The following PIK3AP1 variants were observed in gnomAD, a reference collection of about 807,000 sequenced individuals.
PIK3AP1 encodes phosphoinositide-3-kinase adaptor protein 1, also known as phosphoinositide 3-kinase adapter protein 1.
PIK3AP1 carries 21 observed loss-of-function variants against 88.1 expected under a neutral mutation model. The observed-to-expected ratio is 0.24, with a 90% CI of 0.17 to 0.34. PIK3AP1 has a LOEUF of 0.34. PIK3AP1 is among the 10% of genes least tolerant of loss of function. The pLI is 1.00. For synonymous variants in PIK3AP1, 398 were observed against 400.0 expected (o/e 1.00, Z 0.06); for missense variants, 828 against 1,035.7 (o/e 0.80, Z 2.75).
chr10:96,708,197 C>T (rs555731761), intron 2 of PIK3AP1, among the ~76,000 whole-genome samples: 3 of 152,188 alleles, frequency 2.0e-5, no homozygotes, highest in East Asian at 3.9e-4. Flanking sequence ...TCTTTGCTGG[C>T]GTCAGGTATA....
At chr10:96,608,240 A>G (rs968684768) in intron 14 of PIK3AP1, among the ~76,000 whole-genome samples, 2 of 152,176 alleles carry the variant, frequency 1.3e-5, no homozygotes, top group Admixed American at 1.3e-4. Flanking sequence ...TCTCACCCTG[A>G]GAGGGTTCTA....
intron 2 of PIK3AP1, among the ~76,000 whole-genome samples, chr10:96,668,423 A>C (rs866909510): frequency 6.6e-5 from 10 of 152,340 alleles, no homozygotes; most frequent in Admixed American, 3.3e-4. Flanking sequence ...TTTTTAGTTT[A>C]AATAAGGTAA....
chr10:96,647,959 G>A (rs1345679407), intron 7 of PIK3AP1, among the ~76,000 whole-genome samples: 1 of 152,154 alleles, frequency 6.6e-6, no homozygotes, highest in African/African-American at 2.4e-5. Context: ...CCTCAAAGAA[G>A]GACCCAGAAG....
At chr10:96,626,967 A>G (rs552171635) in intron 9 of PIK3AP1, 62 bp from the exon 10 acceptor site, 2 of 1,487,362 alleles carry the variant, frequency 1.3e-6, no homozygotes, top group South Asian at 2.3e-5. Context: ...ATCATCAGTC[A>G]TAAAGCAGAG....
At chr10:96,611,083 T>A (rs1480238790) in intron 13 of PIK3AP1, among the ~76,000 whole-genome samples, 1 of 151,938 alleles carries the variant, frequency 6.6e-6, no homozygotes, top group Non-Finnish European at 1.5e-5. Context: ...TCTGGCAGGG[T>A]GAATGGATAA....
At chr10:96,659,747 A>G (rs1296680540) in intron 2 of PIK3AP1, among the ~76,000 whole-genome samples, 1 of 151,934 alleles carries the variant, frequency 6.6e-6, no homozygotes, top group Non-Finnish European at 1.5e-5. Context: ...AATATAAAGT[A>G]TTGAAATTGT....
intron 6 of PIK3AP1, among the ~76,000 whole-genome samples, chr10:96,649,482 C>T (rs570342036): frequency 1.5e-4 from 23 of 152,326 alleles, no homozygotes; most frequent in African/African-American, 5.5e-4. Context: ...CCACACAGTA[C>T]AATAGGAATC....
Position 96,643,064 on chromosome 10 carries a change from A to T in PIK3AP1, c.1375+2409T>A, listed in dbSNP as rs1843412556. Among the ~76,000 whole-genome samples the T allele has an allele frequency of 2.0e-5, 3 of 152,164 alleles. No individual in the cohort carries two copies. In the South Asian group the frequency reaches 6.2e-4, roughly 31 times the overall value. The stretch of plus-strand genomic sequence containing the variant: ...GGGTCCTACCCACTTCCCCGCCTGT[A>T]TCTCCAACACCCAGAAGACATCAGT... On this transcript the variant is annotated intron_variant, in intron 8 of 16. Transcript: ENST00000339364.
chr10:96,630,720 A>G (rs1843233286), intron 8 of PIK3AP1, among the ~76,000 whole-genome samples: 1 of 152,014 alleles, frequency 6.6e-6, no homozygotes. Flanking sequence ...GTGCAGGCCT[A>G]TAGCCCCATC....
chr10:96,712,564 T>C (rs1844452547), intron 1 of PIK3AP1, among the ~76,000 whole-genome samples: 1 of 152,238 alleles, frequency 6.6e-6, no homozygotes, highest in Non-Finnish European at 1.5e-5. Context: ...ATAGAAGGTA[T>C]AACATTGGCA....
At chr10:96,634,172 G>A (rs7894214) in intron 8 of PIK3AP1, among the ~76,000 whole-genome samples, 42,250 of 152,164 alleles carry the variant, frequency 0.28, 6,583 homozygotes, top group Middle Eastern at 0.44. Flanking sequence ...GGACCATAGC[G>A]AGAGGCCAAC....
At chr10:96,607,115 A>G (rs1231601791) in intron 14 of PIK3AP1, among the ~76,000 whole-genome samples, 1 of 152,188 alleles carries the variant, frequency 6.6e-6, no homozygotes. Flanking sequence ...CAGCTGCACC[A>G]TAATAAAAAC....
chr10:96,635,337 T>C (rs1843298392), intron 8 of PIK3AP1, among the ~76,000 whole-genome samples: 1 of 152,180 alleles, frequency 6.6e-6, no homozygotes, highest in South Asian at 2.1e-4. Context: ...ACAAACTGGG[T>C]AGCCTTGTTC....
At chr10:96,601,750 C>T (rs796155922) in intron 16 of PIK3AP1, among the ~76,000 whole-genome samples, 5 of 152,286 alleles carry the variant, frequency 3.3e-5, no homozygotes, top group African/African-American at 1.2e-4. Context: ...TAAAAGTTGA[C>T]ATTTTTCAAT....
intron 1 of PIK3AP1, among the ~76,000 whole-genome samples, chr10:96,714,865 A>G (rs1346016793): frequency 2.0e-5 from 3 of 152,226 alleles, no homozygotes; most frequent in Non-Finnish European, 2.9e-5. Flanking sequence ...AATTGAATAA[A>G]TACACTGGGG....
intron 8 of PIK3AP1, among the ~76,000 whole-genome samples, chr10:96,628,909 T>TATATATATATAC (rs1564961342): frequency 9.4e-5 from 1 of 10,598 alleles, no homozygotes; most frequent in Non-Finnish European, 2.3e-4. Flanking sequence ...TATATATATG[T>TATATATATATAC]GTATATATAT....
At chr10:96,624,091 C>T (rs1369124301) in intron 10 of PIK3AP1, among the ~76,000 whole-genome samples, 2 of 152,198 alleles carry the variant, frequency 1.3e-5, no homozygotes, top group South Asian at 2.1e-4. Context: ...CTCTCTGAGT[C>T]CAAATACTAG....
intron 2 of PIK3AP1, among the ~76,000 whole-genome samples, chr10:96,669,811 C>A (rs1564978405): frequency 1.3e-5 from 2 of 151,484 alleles, no homozygotes; most frequent in South Asian, 4.2e-4. Context: ...TTATGTGATA[C>A]CTTATCACCA....
At chr10:96,678,909 T>C (rs1431544876) in intron 2 of PIK3AP1, among the ~76,000 whole-genome samples, 1 of 152,116 alleles carries the variant, frequency 6.6e-6, no homozygotes, top group Non-Finnish European at 1.5e-5. Flanking sequence ...AGCGACCCAC[T>C]AATACCAAGT....
Sources: allele counts gnomAD v4.1 joint callset (sites outside exome capture counted in the v4.1 genomes callset), GRCh38; gene constraint gnomAD v4.1.1; transcripts MANE v1.5; gene names NCBI Gene and HGNC (gene_info 2026-07-23, HGNC 2026-07-21).